NOX4: variants seen among roughly 807,000 people sequenced by gnomAD.
The protein encoded by NOX4 is kidney oxidase-1.
Under a neutral mutation model 87.6 loss-of-function variants are expected in NOX4, and 69 were observed. That is an observed-to-expected ratio of 0.79 (90% CI 0.65 to 0.96). NOX4 has a LOEUF of 0.96. Ranked by LOEUF, NOX4 falls within the 40% of genes least tolerant of loss-of-function variation. The pLI, the probability that NOX4 is intolerant of heterozygous loss-of-function variation, is 0.00. For missense variants in NOX4, 680 were observed against 681.5 expected (o/e 1.00, Z 0.02); for synonymous variants, 275 against 238.2 (o/e 1.15, Z -1.42).
At chr11:89,571,350 G>C in the NOX4 span, among the ~76,000 whole-genome samples, 1 of 150,408 alleles carries the variant, frequency 6.6e-6, no homozygotes, top group East Asian at 2.0e-4. Flanking sequence ...TGGCTGGAGT[G>C]CAGTGGCATG....
In NOX4 at chr11:89,485,690, A is replaced by G. The variant is rs1459183442; in HGVS notation, c.153+4768T>C. Among the ~76,000 whole-genome samples the G allele has an allele frequency of 2.0e-5, 3 of 152,332 alleles. No homozygotes were observed. The South Asian group carries it at 6.2e-4, about 32-fold the overall frequency. ...GCAACTACATTTTCCATTCTTGAAA[A>G]TAAATAAATGAAAATGGATTTAATC... On this transcript the variant is annotated intron_variant, in intron 2 of 17. Transcript: ENST00000263317.
In NOX4 at chr11:89,326,790, G is replaced by C. The variant is rs1280894325; in HGVS notation, c.1703C>G (p.Thr568Arg). The C allele has an allele frequency of 1.2e-6, 2 of 1,613,062 alleles. No individual in the cohort carries two copies. Among genetic ancestry groups the C allele is most frequent in the Admixed American group, 3.3e-5 (2 of 59,950 alleles). ...AGACTCTTTATTGTATTCAAATCTTGTCCCATATGAGTTGTTCTGGTTACT... is the reference window on the plus strand; with the variant it reads ...AGACTCTTTATTGTATTCAAATCTTCTCCCATATGAGTTGTTCTGGTTACT... Reference protein sequence around the residue: ...KLSNQNNSYGTRFEYNKESFS With the variant: ...KLSNQNNSYGRRFEYNKESFS Residue 568 changes from threonine (T) to arginine (R), a missense_variant, in exon 18 of 18, where the codon ACA (threonine) becomes AGA (arginine). By Grantham distance (71) the Thr-to-Arg change is moderately conservative. Transcript: ENST00000263317.
At chr11:89,457,304 C>T (rs751855534) in intron 2 of NOX4, among the ~76,000 whole-genome samples, 11 of 152,202 alleles carry the variant, frequency 7.2e-5, no homozygotes, top group Non-Finnish European at 1.6e-4. Flanking sequence ...ACCAACAGCA[C>T]AAATGTGTAC....
At chr11:89,555,804 G>A in the NOX4 span, among the ~76,000 whole-genome samples, 1 of 152,126 alleles carries the variant, frequency 6.6e-6, no homozygotes, top group Non-Finnish European at 1.5e-5. Context: ...GAGCCGATAT[G>A]TATTATATGA....
At chr11:89,491,394 C>T (rs1946849789), upstream of NOX4, 7 of 713,142 alleles carry the variant, frequency 9.8e-6, no homozygotes, top group Non-Finnish European at 1.5e-5. Context: ...GAAGGCCCGG[C>T]GCCGAGCCAG....
At chr11:89,437,755 C>T (rs1944153097) in intron 6 of NOX4, among the ~76,000 whole-genome samples, 1 of 152,110 alleles carries the variant, frequency 6.6e-6, no homozygotes, top group South Asian at 2.1e-4. Flanking sequence ...AGGAAATAAA[C>T]TATTCTACAA....
intron 13 of NOX4, among the ~76,000 whole-genome samples, chr11:89,351,528 T>G (rs1946455229): frequency 6.6e-6 from 1 of 152,134 alleles, no homozygotes; most frequent in Non-Finnish European, 1.5e-5. Flanking sequence ...AAAAGAGCAG[T>G]CAATGCCTGT....
At chr11:89,349,862 C>T (rs1946383151) in intron 13 of NOX4, among the ~76,000 whole-genome samples, 1 of 152,116 alleles carries the variant, frequency 6.6e-6, no homozygotes, top group Admixed American at 6.6e-5. Context: ...ACCAGATGTA[C>T]TTAACCATTT....
intron 11 of NOX4, among the ~76,000 whole-genome samples, chr11:89,381,986 G>A (rs186487430): frequency 6.6e-6 from 1 of 152,180 alleles, no homozygotes; most frequent in East Asian, 1.9e-4. Flanking sequence ...CCAAAACTCC[G>A]GCACCAGTCA....
At chr11:89,438,499 G>A (rs558612973) in intron 6 of NOX4, among the ~76,000 whole-genome samples, 1 of 72,764 alleles carries the variant, frequency 1.4e-5, no homozygotes, top group African/African-American at 8.0e-5. Flanking sequence ...ATAATATACA[G>A]CATATATATT....
chr11:89,432,116 C>T (rs1943824405), intron 7 of NOX4, among the ~76,000 whole-genome samples: 1 of 151,988 alleles, frequency 6.6e-6, no homozygotes, highest in Admixed American at 6.6e-5. Context: ...AAACTATACA[C>T]CACATGTTCT....
At position 89,421,986 on chromosome 11, in the gene NOX4, C is replaced by CA; in HGVS notation, c.549-5dup. The CA allele has an allele frequency of 6.8e-7, 1 of 1,467,980 alleles. No homozygotes were observed. Among genetic ancestry groups the CA allele is most frequent in the Non-Finnish European group, 9.2e-7 (1 of 1,082,314 alleles). The allele number at this position is 1,467,980 out of a possible 1,614,324, so 90.9% of individuals were successfully genotyped here. On this transcript the variant is annotated splice_region_variant and splice_polypyrimidine_tract_variant and intron_variant, in intron 7 of 17. Transcript: ENST00000263317. ...GAAGATATCATAGTTAGAAACTCTG[C>CA]AAAAACAAATACACTCATTTTAATG...
the NOX4 span, among the ~76,000 whole-genome samples, chr11:89,526,031 A>T: frequency 6.6e-6 from 1 of 152,126 alleles, no homozygotes; most frequent in African/African-American, 2.4e-5. Flanking sequence ...ACGTGAGTCT[A>T]TTTCAGATGC....
chr11:89,493,195 G>T (rs1946903285), upstream of NOX4, among the ~76,000 whole-genome samples: 2 of 152,056 alleles, frequency 1.3e-5, no homozygotes, highest in South Asian at 4.1e-4. Flanking sequence ...GGCCATCCTG[G>T]CCAACATGGT....
chr11:89,562,579 T>C, the NOX4 span, among the ~76,000 whole-genome samples: 1 of 152,188 alleles, frequency 6.6e-6, no homozygotes, highest in African/African-American at 2.4e-5. Context: ...AACTTGGTCT[T>C]TATTTCTGAT....
chr11:89,487,227 C>T (rs566028351), intron 2 of NOX4, among the ~76,000 whole-genome samples: 2 of 152,216 alleles, frequency 1.3e-5, no homozygotes, highest in East Asian at 3.9e-4. Context: ...CTTCCTCAGC[C>T]CATATTTCCT....
intron 14 of NOX4, among the ~76,000 whole-genome samples, chr11:89,341,699 T>C (rs1946010175): frequency 6.6e-6 from 1 of 152,236 alleles, no homozygotes; most frequent in South Asian, 2.1e-4. Context: ...CATTCATTGC[T>C]GTCTTCCCAA....
chr11:89,332,209 A>ACTGG lies in NOX4; in HGVS notation c.1616+3635_1616+3636insCCAG, dbSNP rs5793402. Among the ~76,000 whole-genome samples, 3 of 96,934 alleles carry ACTGG rather than the reference A, an allele frequency of 3.1e-5. No homozygotes were observed. The African/African-American group carries it at 6.6e-4, about 21-fold the overall frequency. 63.6% of individuals were successfully genotyped at this position (96,934 alleles called of 152,430 possible). On this transcript the variant is annotated intron_variant, in intron 17 of 17. Coordinates refer to ENST00000263317, the MANE Select transcript of NOX4 (RefSeq NM_016931.5). ...CTCGTTGTATTACAGATCCAGGAGA[A>ACTGG]GTCACTTGACTCAGGGTCACAGGAG...
chr11:89,499,809 ACAATGC>A (rs1946998460), upstream of NOX4, among the ~76,000 whole-genome samples: 1 of 152,176 alleles, frequency 6.6e-6, no homozygotes, highest in African/African-American at 2.4e-5. Context: ...AGGGCCTAGC[ACAATGC>A]CTGGTTCATT....
Sources: allele counts gnomAD v4.1 joint callset (sites outside exome capture counted in the v4.1 genomes callset), GRCh38; gene constraint gnomAD v4.1.1; transcripts MANE v1.5; gene names NCBI Gene and HGNC (gene_info 2026-07-23, HGNC 2026-07-21).